CCNH: variants seen among roughly 807,000 people sequenced by gnomAD.
CCNH encodes the protein cyclin-H.
Under a neutral mutation model 41.9 loss-of-function variants are expected in CCNH, and 31 were observed. The observed-to-expected ratio is 0.74, with a 90% CI of 0.56 to 1.00. The LOEUF (loss-of-function observed/expected upper bound fraction) is 1.00. Ranked by LOEUF, CCNH falls within the 50% of genes least tolerant of loss-of-function variation. CCNH has a pLI of 0.00. For missense variants in CCNH, 362 were observed against 388.4 expected (o/e 0.93, Z 0.57); for synonymous variants, 138 against 136.1 (o/e 1.01, Z -0.10).
At chr5:87,400,960 A>C (rs1763361166) in intron 6 of CCNH, among the ~76,000 whole-genome samples, 1 of 152,202 alleles carries the variant, frequency 6.6e-6, no homozygotes, top group African/African-American at 2.4e-5. Flanking sequence ...CACCAGCACT[A>C]ATGACTTTTT....
At chr5:87,317,825 A>G (rs1391138573), downstream of CCNH, among the ~76,000 whole-genome samples, 2 of 151,944 alleles carry the variant, frequency 1.3e-5, no homozygotes, top group East Asian at 1.9e-4. Flanking sequence ...TTGTAGAGAC[A>G]GGGTTTTGCC....
In CCNH at chr5:87,409,630, G is replaced by A. The variant is rs182894193; in HGVS notation, c.241-267C>T. On this transcript the variant is annotated intron_variant, in intron 2 of 8. Transcript: ENST00000256897. ...CTATGGTCACTGGATTTAAAAATAC[G>A]TGTGTGTGTGTGTGTGTGTGTGTGT... Among the ~76,000 whole-genome samples the A allele has an allele frequency of 2.0e-4, 6 of 29,966 alleles. No homozygotes were observed. In the East Asian group the frequency reaches 7.6e-3, roughly 38 times the overall value. 19.7% of individuals were successfully genotyped at this position (29,966 alleles called of 152,430 possible).
At chr5:87,314,133 A>G (rs6452751), downstream of CCNH, among the ~76,000 whole-genome samples, 69,016 of 152,024 alleles carry the variant, frequency 0.45, 15,620 homozygotes, top group Middle Eastern at 0.53. Flanking sequence ...AGATCATGCC[A>G]TTGCACTCCA....
chr5:87,333,126 T>C, intron 9 of CCNH: 1 of 1,308,348 alleles, frequency 7.6e-7, no homozygotes, highest in Non-Finnish European at 1.0e-6. Context: ...ACTGGGTATT[T>C]ATAGTCCAAG....
At chr5:87,380,454 G>A (rs1761631061), upstream of CCNH, 9 of 1,445,772 alleles carry the variant, frequency 6.2e-6, no homozygotes, top group Middle Eastern at 1.7e-4. Flanking sequence ...TGGCTGCTAG[G>A]AGATCAGTGT....
chr5:87,402,256 A>C (rs1763475935), intron 5 of CCNH, among the ~76,000 whole-genome samples: 3 of 152,340 alleles, frequency 2.0e-5, no homozygotes, highest in Non-Finnish European at 4.4e-5. Context: ...GGAGTAACAG[A>C]CATTCAAACC....
rs1561292521 is a variant in CCNH, at chr5:87,338,535, A to ATTTTT, written c.*91-19639_*91-19638insAAAAA. On this transcript the variant is annotated intron_variant and NMD_transcript_variant, in intron 9 of 9. Transcript: ENST00000645953. ...TATATATATATATATATATATATAA[A>ATTTTT]ATTTTTTTTTTTTTTAAGTAGAAAT... 1.2e-3 allele frequency among the ~76,000 whole-genome samples: 114 copies of ATTTTT among 95,882 alleles called. 4 individuals carry two copies. The highest frequency in any genetic ancestry group is 4.8e-3 in the African/African-American group (100 of 20,930). 62.9% of individuals were successfully genotyped at this position (95,882 alleles called of 152,430 possible). A position where few individuals can be genotyped will look rare whatever the true frequency, so the allele number is the denominator to read the frequency against.
downstream of CCNH, chr5:87,389,153 A>G: frequency 2.4e-6 from 1 of 409,666 alleles, no homozygotes; most frequent in Non-Finnish European, 4.6e-6. Context: ...ATGAGACTAC[A>G]GAGAAAGATT....
In CCNH at chr5:87,404,966, T is replaced by C; in HGVS notation, c.567A>G (p.Lys189=). ...TTCTATTAAGAAAGTCATCAGCTGT[T>C]TTCCTCAAAATCTCTGGATTCTCCA... ...PILENPEILR[K]TADDFLNRIA... is the part of the protein sequence containing the mutation. Residue 189 remains lysine, a synonymous_variant, in exon 5 of 9, where the codon AAA becomes AAG. Coordinates refer to ENST00000256897, the MANE Select transcript of CCNH (RefSeq NM_001239.4). 6.2e-7 allele frequency: 1 copy of C among 1,613,564 alleles called. No homozygotes were observed. Among genetic ancestry groups the C allele is most frequent in the Non-Finnish European group, 8.5e-7 (1 of 1,179,702 alleles).
At chr5:87,405,192 A>G (rs1408745907) in intron 4 of CCNH, among the ~76,000 whole-genome samples, 185 bp from the exon 5 acceptor site, 1 of 152,196 alleles carries the variant, frequency 6.6e-6, no homozygotes, top group Non-Finnish European at 1.5e-5. Context: ...CCACCTGAGT[A>G]GGAAGGGGAG....
In CCNH at chr5:87,332,500, C is replaced by T; in HGVS notation, c.*91-13603G>A. 1.2e-6 allele frequency: 2 copies of T among 1,603,900 alleles called. No homozygotes were observed. The highest frequency in any genetic ancestry group is 1.7e-6 in the Non-Finnish European group (2 of 1,172,202). On this transcript the variant is annotated intron_variant and NMD_transcript_variant, in intron 9 of 9. Coordinates refer to the CCNH transcript ENST00000645953. ...TTTTTATACTGTATTTTTTCCTGTT[C>T]AAATAGGATTATTGCTATGTGTGGA...
downstream of CCNH, among the ~76,000 whole-genome samples, chr5:87,389,937 A>ATGTT (rs1351606267): frequency 6.6e-6 from 1 of 152,142 alleles, no homozygotes; most frequent in Non-Finnish European, 1.5e-5. Context: ...ATTATTTGGG[A>ATGTT]TGTTTGTCAA....
At chr5:87,347,818 T>C (rs1276723436) in intron 9 of CCNH, among the ~76,000 whole-genome samples, 2 of 151,984 alleles carry the variant, frequency 1.3e-5, no homozygotes, top group Non-Finnish European at 2.9e-5. Flanking sequence ...ACCAAAAATA[T>C]GTAGTTTAGT....
chr5:87,370,040 G>A (rs1354033203), intron 9 of CCNH: 4 of 781,650 alleles, frequency 5.1e-6, no homozygotes, highest in Non-Finnish European at 8.4e-6. Context: ...TAAGGAATGA[G>A]ATTTCATATG....
At chr5:87,338,498 A>ATT (rs1417227027) in intron 9 of CCNH, among the ~76,000 whole-genome samples, 4 of 50,156 alleles carry the variant, frequency 8.0e-5, no homozygotes, top group Admixed American at 2.4e-4. Context: ...TGCCCAGCTA[A>ATT]TTTTATATAT....
At chr5:87,404,801 C>T in intron 5 of CCNH, 43 bp downstream of exon 5, 1 of 1,429,776 alleles carries the variant, frequency 7.0e-7, no homozygotes, top group Non-Finnish European at 9.6e-7. Flanking sequence ...AATAAATAAA[C>T]CCAGTGACTG....
At chr5:87,349,183 T>G (rs1259201343) in intron 9 of CCNH, 1 of 1,608,340 alleles carries the variant, frequency 6.2e-7, no homozygotes, top group Non-Finnish European at 8.5e-7. Context: ...ATTTGATAAT[T>G]AGGGAAAAAC....
At chr5:87,349,251 T>A in intron 9 of CCNH, 1 of 1,612,198 alleles carries the variant, frequency 6.2e-7, no homozygotes, top group Non-Finnish European at 8.5e-7. Flanking sequence ...GGCCCTCAGA[T>A]AATACTCCTG....
At chr5:87,312,841 A>C in the CCNH span, among the ~76,000 whole-genome samples, 1 of 152,190 alleles carries the variant, frequency 6.6e-6, no homozygotes, top group Admixed American at 6.5e-5. Flanking sequence ...CTTGCATCCT[A>C]AATCTTTCGC....
Sources: gnomAD v4.1 joint callset for allele counts (sites outside exome capture counted in the v4.1 genomes callset) on GRCh38, gnomAD v4.1.1 for gene constraint, MANE v1.5 for transcripts, NCBI Gene and HGNC (gene_info 2026-07-23, HGNC 2026-07-21) for gene names.